The following KSR2 variants were observed in gnomAD, a reference collection of about 807,000 sequenced individuals.
The protein encoded by KSR2 is kinase suppressor of ras 2.
KSR2 carries 25 observed loss-of-function variants against 107.8 expected under a neutral mutation model. The ratio of observed to expected loss-of-function variants is 0.23; its 90% CI spans 0.17 to 0.32. The LOEUF (loss-of-function observed/expected upper bound fraction) is 0.32, where lower values mean the gene tolerates loss of function less well. Among genes scored for constraint, KSR2 ranks in the 10% least tolerant of loss-of-function variants. KSR2 has a pLI of 1.00. For synonymous variants in KSR2, 480 were observed against 507.0 expected (o/e 0.95, Z 0.71); for missense variants, 887 against 1,268.9 (o/e 0.70, Z 4.57).
intron 4 of KSR2, among the ~76,000 whole-genome samples, chr12:117,720,570 GTT>G (rs929892468): frequency 3.3e-5 from 5 of 152,200 alleles, no homozygotes; most frequent in Admixed American, 6.5e-5. Context: ...CATCAGATGT[GTT>G]TATTCATTCG....
chr12:117,939,600 T>C (rs1895945407), intron 1 of KSR2, among the ~76,000 whole-genome samples: 1 of 152,074 alleles, frequency 6.6e-6, no homozygotes, highest in East Asian at 1.9e-4. Context: ...TAATCTCACC[T>C]ACTCGGGAGG....
intron 1 of KSR2, among the ~76,000 whole-genome samples, chr12:117,927,868 A>G (rs902029363): frequency 5.9e-5 from 9 of 152,174 alleles, no homozygotes; most frequent in Non-Finnish European, 1.3e-4. Flanking sequence ...ACACCATTTA[A>G]GTGTACAGCG....
At chr12:117,562,445 A>G in intron 7 of KSR2, among the ~76,000 whole-genome samples, 1 of 152,164 alleles carries the variant, frequency 6.6e-6, no homozygotes, top group East Asian at 1.9e-4. Flanking sequence ...CTGCACTTGG[A>G]ATAGCTGGAC....
At chr12:117,947,230 AAAGAAAG>A (rs1896222235) in intron 1 of KSR2, among the ~76,000 whole-genome samples, 1 of 118,988 alleles carries the variant, frequency 8.4e-6, no homozygotes, top group Non-Finnish European at 1.7e-5. Flanking sequence ...AGAAAGAAAG[AAAGAAAG>A]AAAGAAAGAA....
Position 117,657,143 on chromosome 12 carries a change from G to T in KSR2, c.1171+10331C>A, listed in dbSNP as rs1884220235. 2.0e-5 allele frequency among the ~76,000 whole-genome samples: 3 copies of T among 151,854 alleles called. No homozygotes were observed. The South Asian group carries it at 6.3e-4, about 32-fold the overall frequency. On this transcript the variant is annotated intron_variant, in intron 5 of 19. Coordinates refer to ENST00000339824, the MANE Select transcript of KSR2 (RefSeq NM_173598.6). Reference sequence around the variant, plus strand: ...TCCATCCCATTTCTCTGGCTCTGCTGATTGGTTCAGAGATGAGTACACAGT... The same window carrying T: ...TCCATCCCATTTCTCTGGCTCTGCTTATTGGTTCAGAGATGAGTACACAGT...
At chr12:117,854,451 G>A (rs921376285) in intron 3 of KSR2, among the ~76,000 whole-genome samples, 3 of 152,192 alleles carry the variant, frequency 2.0e-5, no homozygotes, top group African/African-American at 7.2e-5. Flanking sequence ...AGCCCTGCTG[G>A]CACCCCATAG....
chr12:117,806,115 T>C (rs1423117972), intron 3 of KSR2, among the ~76,000 whole-genome samples: 1 of 152,186 alleles, frequency 6.6e-6, no homozygotes, highest in African/African-American at 2.4e-5. Flanking sequence ...GAGCGCCGTT[T>C]TAAACAACGT....
At chr12:117,845,133 G>A (rs746565472) in intron 3 of KSR2, among the ~76,000 whole-genome samples, 1 of 152,178 alleles carries the variant, frequency 6.6e-6, no homozygotes, top group Non-Finnish European at 1.5e-5. Flanking sequence ...GCGACAGAGC[G>A]AGACTCCAAC....
chr12:117,554,983 C>A (rs1877556364), intron 9 of KSR2, among the ~76,000 whole-genome samples, 186 bp downstream of exon 9: 1 of 152,182 alleles, frequency 6.6e-6, no homozygotes, highest in African/African-American at 2.4e-5. Context: ...ATTTCTGGCA[C>A]ACAAATCTCT....
intron 14 of KSR2, among the ~76,000 whole-genome samples, chr12:117,506,486 A>G (rs1266155242): frequency 6.6e-6 from 1 of 152,146 alleles, no homozygotes; most frequent in Non-Finnish European, 1.5e-5. Context: ...TGGTGCACGC[A>G]TGTGACAGTC....
At chr12:117,574,795 G>GC (rs1701201872) in intron 7 of KSR2, among the ~76,000 whole-genome samples, 1 of 151,690 alleles carries the variant, frequency 6.6e-6, no homozygotes, top group Non-Finnish European at 1.5e-5. Context: ...CGCTGATGGT[G>GC]CTGGTCCAGG....
At chr12:117,810,300 T>C (rs924139152) in intron 3 of KSR2, among the ~76,000 whole-genome samples, 3 of 152,184 alleles carry the variant, frequency 2.0e-5, no homozygotes, top group Non-Finnish European at 4.4e-5. Flanking sequence ...ATAAATCCTC[T>C]CTCAATTTTA....
intron 1 of KSR2, among the ~76,000 whole-genome samples, chr12:117,881,088 G>A (rs1041361320): frequency 6.6e-6 from 1 of 152,046 alleles, no homozygotes; most frequent in Non-Finnish European, 1.5e-5. Flanking sequence ...CCGGGGCCTT[G>A]TTTTTGTCAT....
At chr12:117,714,466 G>A (rs1241522092) in intron 4 of KSR2, among the ~76,000 whole-genome samples, 1 of 152,118 alleles carries the variant, frequency 6.6e-6, no homozygotes, top group East Asian at 1.9e-4. Context: ...GAGGAGAGGG[G>A]CCATAGGGAG....
intron 4 of KSR2, among the ~76,000 whole-genome samples, chr12:117,669,108 T>C (rs776163841): frequency 3.3e-5 from 5 of 152,212 alleles, no homozygotes; most frequent in African/African-American, 9.6e-5. Context: ...TGGGTGAGCA[T>C]CTGCCTTCTG....
At chr12:117,925,004 G>A (rs549772678) in intron 1 of KSR2, among the ~76,000 whole-genome samples, 92 of 152,172 alleles carry the variant, frequency 6.0e-4, no homozygotes, top group Non-Finnish European at 7.9e-4. Context: ...TGGGATTTGC[G>A]TCAAAACACT....
chr12:117,786,921 C>T (rs1386388958), intron 3 of KSR2, among the ~76,000 whole-genome samples: 1 of 151,876 alleles, frequency 6.6e-6, no homozygotes, highest in Non-Finnish European at 1.5e-5. Context: ...CCCAGCTACT[C>T]GGGAGGCTGA....
intron 4 of KSR2, among the ~76,000 whole-genome samples, chr12:117,743,554 A>G (rs1888299601): frequency 6.6e-6 from 1 of 152,242 alleles, no homozygotes; most frequent in South Asian, 2.1e-4. Context: ...ACCCACATGT[A>G]TACACTCAGT....
intron 1 of KSR2, among the ~76,000 whole-genome samples, chr12:117,917,388 T>G (rs1342187719): frequency 1.3e-5 from 2 of 151,938 alleles, no homozygotes; most frequent in East Asian, 3.9e-4. Flanking sequence ...AAAATTTTTT[T>G]TTAATTAGTT....
Sources: gnomAD v4.1 joint callset for allele counts (sites outside exome capture counted in the v4.1 genomes callset) on GRCh38, gnomAD v4.1.1 for gene constraint, MANE v1.5 for transcripts, NCBI Gene and HGNC (gene_info 2026-07-23, HGNC 2026-07-21) for gene names.